The following RAB3GAP1 variants were observed in gnomAD, a reference collection of about 807,000 sequenced individuals.
RAB3GAP1 encodes RAB3 GTPase activating protein catalytic subunit 1.
RAB3GAP1 carries 86 observed loss-of-function variants against 130.7 expected under a neutral mutation model. The ratio of observed to expected loss-of-function variants is 0.66; its 90% CI spans 0.55 to 0.79. The LOEUF is 0.79. Among genes scored for constraint, RAB3GAP1 ranks in the 30% least tolerant of loss-of-function variants. The pLI is 0.00. For synonymous variants in RAB3GAP1, 367 were observed against 401.7 expected (o/e 0.91, Z 1.03); for missense variants, 1,029 against 1,169.4 (o/e 0.88, Z 1.75).
intron 18 of RAB3GAP1, among the ~76,000 whole-genome samples, chr2:135,153,321 T>A (rs1179064252): frequency 6.6e-6 from 1 of 152,224 alleles, no homozygotes. Context: ...AGTTTTTATA[T>A]CCAAATTCAT....
Position 135,058,082 on chromosome 2 carries a change from A to C in RAB3GAP1, c.146A>C (p.Glu49Ala), listed in dbSNP as rs995638047. 1 of 1,607,688 alleles carries C rather than the reference A, an allele frequency of 6.2e-7. No homozygotes were observed. The change falls in exon 3 of 24, where the codon GAA becomes GCA. Residue 49 changes from glutamate to alanine, a missense_variant. This residue lies in a region of RAB3GAP1 where 510 missense variants were observed against 532.1 expected (regional missense o/e 0.96). Transcript: ENST00000264158. ...LIGNSLGKPL[E>A]KGIFTSGTWE... ...GGAAACTCTTTGGGAAAGCCACTCG[A>C]AAAGGTCAGATCTATTTGCTGGTGT...
intron 15 of RAB3GAP1, 148 bp from the exon 16 acceptor site, chr2:135,135,117 C>G: frequency 1.5e-6 from 1 of 682,376 alleles, no homozygotes; most frequent in Non-Finnish European, 2.6e-6. Flanking sequence ...TATGTGCTCC[C>G]CCTCTGGAAT....
intron 5 of RAB3GAP1, among the ~76,000 whole-genome samples, chr2:135,099,833 C>T: frequency 6.6e-6 from 1 of 151,998 alleles, no homozygotes; most frequent in East Asian, 1.9e-4. Context: ...ACATTACAAC[C>T]TCTGTAGTGA....
intron 13 of RAB3GAP1, 126 bp downstream of exon 13, chr2:135,130,847 G>A: frequency 1.1e-6 from 1 of 872,452 alleles, no homozygotes; most frequent in Non-Finnish European, 1.8e-6. Context: ...ACCACATTTA[G>A]AAAATTCCTA....
At chr2:135,140,495 T>G (rs1352804056) in intron 17 of RAB3GAP1, among the ~76,000 whole-genome samples, 3 of 152,208 alleles carry the variant, frequency 2.0e-5, no homozygotes, top group African/African-American at 7.2e-5. Context: ...TATAATTTAT[T>G]ACAAGAAGAT....
intron 19 of RAB3GAP1, among the ~76,000 whole-genome samples, chr2:135,157,640 T>C (rs1273203627): frequency 1.3e-5 from 2 of 152,030 alleles, no homozygotes; most frequent in South Asian, 2.1e-4. Flanking sequence ...GAGACCAGCC[T>C]GACTAATGTG....
chr2:135,120,782 G>A (rs1459321300), intron 7 of RAB3GAP1, 37 bp from the exon 8 acceptor site: 25 of 1,388,074 alleles, frequency 1.8e-5, no homozygotes, highest in Non-Finnish European at 2.3e-5. Flanking sequence ...AAGGGTACCA[G>A]CATTTACACG....
rs901626689 is a variant in RAB3GAP1 at position 135,072,149 on chromosome 2, G to T, written c.150+14063G>T. On this transcript the variant is annotated intron_variant, in intron 3 of 23. Transcript: ENST00000264158. ...TGGTCTCAAACTCCTGACCTCAAGTGATCCTCCTACCTCAGCCTCCCAAAG... is the reference window on the plus strand; with the variant it reads ...TGGTCTCAAACTCCTGACCTCAAGTTATCCTCCTACCTCAGCCTCCCAAAG... Among the ~76,000 whole-genome samples the T allele has an allele frequency of 6.6e-5, 10 of 152,152 alleles. 1 individual carries two copies. The highest frequency in any genetic ancestry group is 2.6e-4 in the Admixed American group (4 of 15,278).
intron 5 of RAB3GAP1, among the ~76,000 whole-genome samples, chr2:135,098,346 G>A (rs776311740): frequency 2.6e-5 from 4 of 152,108 alleles, no homozygotes; most frequent in Non-Finnish European, 5.9e-5. Flanking sequence ...AAGATTATCT[G>A]TAACAGATAA....
At chr2:135,099,443 G>C (rs1473911152) in intron 5 of RAB3GAP1, among the ~76,000 whole-genome samples, 1 of 150,506 alleles carries the variant, frequency 6.6e-6, no homozygotes, top group Non-Finnish European at 1.5e-5. Context: ...GTGTGTGTGT[G>C]TGTGTGTGTG....
At chr2:135,092,047 C>T (rs1424866202) in intron 4 of RAB3GAP1, among the ~76,000 whole-genome samples, 2 of 152,068 alleles carry the variant, frequency 1.3e-5, no homozygotes, top group Admixed American at 1.3e-4. Context: ...TTTTCTGTTA[C>T]GTATATTCTT....
chr2:135,172,204 CGGATCACATGAGGT>C (rs2105013194), downstream of RAB3GAP1, among the ~76,000 whole-genome samples: 1 of 151,590 alleles, frequency 6.6e-6, no homozygotes, highest in South Asian at 2.1e-4. Flanking sequence ...CCGAGGCGGG[CGGATCACATGAGGT>C]CAGGAGTTCG....
rs141804600 is a variant in RAB3GAP1, at chr2:135,082,068, G to A, written c.151-8930G>A. Among the ~76,000 whole-genome samples the A allele has an allele frequency of 7.0e-3, 1,070 of 152,096 alleles. 11 individuals carry two copies. The highest frequency in any genetic ancestry group is 0.024 in the African/African-American group (1,001 of 41,456). On this transcript the variant is annotated intron_variant, in intron 3 of 23. Coordinates refer to ENST00000264158, the MANE Select transcript of RAB3GAP1 (RefSeq NM_012233.3). The stretch of plus-strand genomic sequence containing the variant: ...GAGGTGGGAGAACCGCTTGAACCCA[G>A]GAGGCGGAGGTTGCAGTGAGCCAAG...
At chr2:135,155,134 G>C (rs1196779973) in intron 19 of RAB3GAP1, among the ~76,000 whole-genome samples, 2 of 151,954 alleles carry the variant, frequency 1.3e-5, no homozygotes, top group Admixed American at 1.3e-4. Context: ...AAAAAACCAT[G>C]TTTAATCAGA....
chr2:135,075,916 T>C (rs1689620926), intron 3 of RAB3GAP1, among the ~76,000 whole-genome samples: 1 of 150,068 alleles, frequency 6.7e-6, no homozygotes, highest in Non-Finnish European at 1.5e-5. Flanking sequence ...ATTTCTTTTT[T>C]TTTTTTTTTT....
chr2:135,117,803 TTCTTCTTTCTTCTTCTTTC>T (rs1247354486), intron 7 of RAB3GAP1, among the ~76,000 whole-genome samples: 420 of 149,240 alleles, frequency 2.8e-3, no homozygotes, highest in African/African-American at 0.01. Context: ...CTTCTTCTTC[TTCTTCTTTCTTCTTCTTTC>T]TTCTTCTTCT....
At chr2:135,068,555 C>G (rs1474838599) in intron 3 of RAB3GAP1, among the ~76,000 whole-genome samples, 3 of 151,900 alleles carry the variant, frequency 2.0e-5, no homozygotes, top group Non-Finnish European at 4.4e-5. Flanking sequence ...GAGGTCAAGA[C>G]CAGCCTGGCC....
At position 135,094,592 on chromosome 2, in the gene RAB3GAP1, T is replaced by G. The variant is rs560898714; in HGVS notation, c.362+899T>G. On this transcript the variant is annotated intron_variant, in intron 5 of 23. Coordinates refer to ENST00000264158, the MANE Select transcript of RAB3GAP1 (RefSeq NM_012233.3). ...TAATTCTACTTAGAGATATGTCAAC[T>G]CTGTATCACCTCCCATAGCTAGCCT... is the stretch of plus-strand genomic sequence containing the variant. Among the ~76,000 whole-genome samples the G allele has an allele frequency of 4.4e-4, 67 of 152,324 alleles. No individual in the cohort carries two copies. The East Asian group carries it at 0.013, about 29-fold the overall frequency.
chr2:135,061,031 A>G (rs142201523), intron 3 of RAB3GAP1, among the ~76,000 whole-genome samples: 1 of 149,138 alleles, frequency 6.7e-6, no homozygotes, highest in Non-Finnish European at 1.5e-5. Flanking sequence ...TTAAATAAAC[A>G]TAAATTACTG....
Sources: allele counts gnomAD v4.1 joint callset (sites outside exome capture counted in the v4.1 genomes callset), GRCh38; gene constraint gnomAD v4.1.1; regional missense constraint gnomAD v4.1.1; transcripts MANE v1.5; gene names NCBI Gene and HGNC (gene_info 2026-07-23, HGNC 2026-07-21).